The following PDZD8 variants were observed in gnomAD, a reference collection of about 807,000 sequenced individuals.
PDZD8 encodes PDZ domain containing 8, also known as PDZ domain-containing protein 8.
PDZD8 carries 14 observed loss-of-function variants against 85.8 expected under a neutral mutation model. The ratio of observed to expected loss-of-function variants is 0.16; its 90% CI spans 0.11 to 0.26. PDZD8 has a LOEUF of 0.26. Ranked by LOEUF, PDZD8 falls within the 10% of genes least tolerant of loss-of-function variation. The probability of loss-of-function intolerance (pLI) is 1.00; values close to 1 mark genes in which losing one functional copy is unlikely to be tolerated. For missense variants in PDZD8, 1,197 were observed against 1,424.3 expected, an observed-to-expected ratio of 0.84 and a Z score of 2.57; for synonymous variants, 592 against 568.6, an observed-to-expected ratio of 1.04 and a Z score of -0.59.
chr10:117,308,441 AC>A (rs1397461223), intron 3 of PDZD8, among the ~76,000 whole-genome samples: 1 of 152,126 alleles, frequency 6.6e-6, no homozygotes, highest in Non-Finnish European at 1.5e-5. Context: ...ATGCACTAAA[AC>A]CATAGGAACA....
Position 117,374,944 on chromosome 10 carries a change from C to T in PDZD8, c.284G>A (p.Cys95Tyr). ...TAGGATGGTGGCGTTGAGGAAGTAGCAAGTCTCCCGCGTCGGCGGGGCGGG... is the reference window on the plus strand; with the variant it reads ...TAGGATGGTGGCGTTGAGGAAGTAGTAAGTCTCCCGCGTCGGCGGGGCGGG... Reference protein sequence around the residue: ...ETPAPPTRETCYFLNATILFL... With the variant: ...ETPAPPTRETYYFLNATILFL... The change falls in exon 1 of 5, where the codon TGC (cysteine) becomes TAC (tyrosine). Residue 95 changes from cysteine (C) to tyrosine (Y), a missense_variant. By Grantham distance (194) the Cys-to-Tyr change is radical. Transcript: ENST00000334464. The surrounding 1 kb of genome is among the most constrained non-coding windows in gnomAD (Gnocchi z 7.8). 1 of 1,612,510 alleles carries T rather than the reference C, an allele frequency of 6.2e-7. No homozygotes were observed. The highest frequency in any genetic ancestry group is 1.3e-5 in the African/African-American group (1 of 74,972).
At chr10:117,317,296 C>A (rs1844145885) in intron 3 of PDZD8, among the ~76,000 whole-genome samples, 1 of 152,022 alleles carries the variant, frequency 6.6e-6, no homozygotes, top group African/African-American at 2.4e-5. Flanking sequence ...TATTTTCTAC[C>A]CATATTTGTA....
At chr10:117,329,073 C>G (rs1331661481) in intron 2 of PDZD8, among the ~76,000 whole-genome samples, 1 of 152,184 alleles carries the variant, frequency 6.6e-6, no homozygotes, top group East Asian at 1.9e-4. Flanking sequence ...ACATTTCTTA[C>G]AGTTCAATCT....
chr10:117,334,974 G>C (rs1210156869), intron 2 of PDZD8, among the ~76,000 whole-genome samples: 1 of 148,140 alleles, frequency 6.8e-6, no homozygotes, highest in Non-Finnish European at 1.5e-5. Flanking sequence ...AAAACAATTG[G>C]AAAAAAAAAA....
intron 1 of PDZD8, among the ~76,000 whole-genome samples, chr10:117,371,451 C>T (rs1023094718): frequency 5.3e-5 from 8 of 152,194 alleles, no homozygotes; most frequent in Non-Finnish European, 1.0e-4. Context: ...TTACAAAGTG[C>T]TGGGATCACA....
chr10:117,299,093 T>C (rs1020297887), intron 3 of PDZD8, among the ~76,000 whole-genome samples: 3 of 152,150 alleles, frequency 2.0e-5, no homozygotes, highest in African/African-American at 7.2e-5. Context: ...TAAATCTGGG[T>C]GCTTCCTTAT....
chr10:117,302,111 C>A (rs761645808), intron 3 of PDZD8, among the ~76,000 whole-genome samples: 1 of 152,184 alleles, frequency 6.6e-6, no homozygotes, highest in Non-Finnish European at 1.5e-5. Flanking sequence ...TCTGAAGGGT[C>A]CTTCTGGTAT....
chr10:117,318,531 T>C (rs981252333), intron 3 of PDZD8, among the ~76,000 whole-genome samples: 2 of 152,132 alleles, frequency 1.3e-5, no homozygotes, highest in Admixed American at 1.3e-4. Flanking sequence ...TCATAAAATA[T>C]CTGTCCAATG....
At chr10:117,333,121 A>ACAAAAC (rs1564702962) in intron 2 of PDZD8, among the ~76,000 whole-genome samples, 8 of 137,680 alleles carry the variant, frequency 5.8e-5, no homozygotes, top group African/African-American at 2.0e-4. Context: ...CTGTCTCAAA[A>ACAAAAC]AAAAAAAAAA....
At chr10:117,319,005 T>A in intron 2 of PDZD8, 31 bp from the exon 3 acceptor site, 1 of 1,402,204 alleles carries the variant, frequency 7.1e-7, no homozygotes, top group East Asian at 2.3e-5. Context: ...AGGGAGAGTA[T>A]CATACCTGTT....
intron 1 of PDZD8, among the ~76,000 whole-genome samples, chr10:117,341,397 A>G (rs1370026681): frequency 6.6e-6 from 1 of 152,182 alleles, no homozygotes; most frequent in Non-Finnish European, 1.5e-5. Context: ...GGCAGGAGAG[A>G]GACTGTGAAC....
chr10:117,346,513 G>A (rs1714371633), intron 1 of PDZD8, among the ~76,000 whole-genome samples: 1 of 151,326 alleles, frequency 6.6e-6, no homozygotes, highest in Admixed American at 6.6e-5. Flanking sequence ...TTATTAATAA[G>A]TAATTTTTAG....
rs363290 is a variant in PDZD8 at position 117,283,131 on chromosome 10, C to T, written c.*137G>A. 3.8e-3 allele frequency: 3,136 copies of T among 831,408 alleles called. 67 individuals carry two copies. The African/African-American group carries it at 0.046, about 12-fold the overall frequency. 51.5% of individuals were successfully genotyped at this position (831,408 alleles called of 1,614,324 possible). On this transcript the variant is annotated 3_prime_UTR_variant, in exon 5 of 5. Coordinates refer to ENST00000334464, the MANE Select transcript of PDZD8 (RefSeq NM_173791.5). Reference sequence around the variant, plus strand: ...ATGTTTTTACTGGAAAACAACCTTTCTCATTTTTGTTCTTACACAAGCAAG... The same window carrying T: ...ATGTTTTTACTGGAAAACAACCTTTTTCATTTTTGTTCTTACACAAGCAAG...
intron 1 of PDZD8, among the ~76,000 whole-genome samples, chr10:117,349,078 T>C: frequency 6.6e-6 from 1 of 152,210 alleles, no homozygotes; most frequent in African/African-American, 2.4e-5. Context: ...TACATGAAGA[T>C]ACATGCCCAC....
intron 2 of PDZD8, among the ~76,000 whole-genome samples, chr10:117,331,784 T>C (rs902529726): frequency 2.9e-4 from 44 of 152,322 alleles, no homozygotes; most frequent in Non-Finnish European, 5.0e-4. Context: ...TATTTTGTAG[T>C]ATGAAACAGT....
In PDZD8 at chr10:117,305,935, C is replaced by A. The variant is rs553302561; in HGVS notation, c.1098+12937G>T. Among the ~76,000 whole-genome samples, 4 of 152,118 alleles carry A rather than the reference C, an allele frequency of 2.6e-5. No homozygotes were observed. In the East Asian group the frequency reaches 7.7e-4, roughly 29 times the overall value. ...GTCACCTTAGACAAGTGATTTAGCC[C>A]CTGTGAGTCTTAACCATAAAACGGT... On this transcript the variant is annotated intron_variant, in intron 3 of 4. Transcript: ENST00000334464.
At chr10:117,333,816 T>G (rs1402789618) in intron 2 of PDZD8, among the ~76,000 whole-genome samples, 1 of 152,204 alleles carries the variant, frequency 6.6e-6, no homozygotes, top group African/African-American at 2.4e-5. Flanking sequence ...TCACCTAATA[T>G]GTGAATCAAG....
chr10:117,331,350 G>A (rs991799557), intron 2 of PDZD8, among the ~76,000 whole-genome samples: 12 of 152,060 alleles, frequency 7.9e-5, no homozygotes, highest in African/African-American at 2.9e-4. Flanking sequence ...ATAGGTAATG[G>A]TATTACCCCT....
chr10:117,294,070 AG>A (rs1843710576), intron 3 of PDZD8, among the ~76,000 whole-genome samples: 1 of 152,204 alleles, frequency 6.6e-6, no homozygotes, highest in Admixed American at 6.5e-5. Flanking sequence ...GGAAATTTAT[AG>A]TTTTAAATGC....
Sources: allele counts gnomAD v4.1 joint callset (sites outside exome capture counted in the v4.1 genomes callset), GRCh38; gene constraint gnomAD v4.1.1; non-coding constraint Gnocchi (gnomAD v3.1); transcripts MANE v1.5; gene names NCBI Gene and HGNC (gene_info 2026-07-23, HGNC 2026-07-21).